DYRK1B: variants seen among roughly 807,000 people sequenced by gnomAD.
DYRK1B encodes dual specificity tyrosine-phosphorylation-regulated kinase 1B.
Under a neutral mutation model 57.1 loss-of-function variants are expected in DYRK1B, and 20 were observed. That is an observed-to-expected ratio of 0.35 (90% CI 0.25 to 0.51). The LOEUF (loss-of-function observed/expected upper bound fraction) is 0.51. DYRK1B is among the 20% of genes least tolerant of loss of function. DYRK1B has a pLI of 0.96. For synonymous variants in DYRK1B, 409 were observed against 384.7 expected, an observed-to-expected ratio of 1.06 and a Z score of -0.74; for missense variants, 732 against 886.3, an observed-to-expected ratio of 0.83 and a Z score of 2.21.
chr19:39,827,699 G>T, intron 6 of DYRK1B, 43 bp from the exon 7 acceptor site: 1 of 1,594,798 alleles, frequency 6.3e-7, no homozygotes, highest in East Asian at 2.3e-5. Flanking sequence ...CTCCCCTACT[G>T]GTCCCACTGA....
chr19:39,826,630 GC>G lies in DYRK1B; in HGVS notation c.1411+41del, dbSNP rs1555782987. The G allele has an allele frequency of 6.5e-7, 1 of 1,529,318 alleles. No homozygotes were observed. Among genetic ancestry groups the G allele is most frequent in the Non-Finnish European group, 8.8e-7 (1 of 1,139,432 alleles). The allele number at this position is 1,529,318 out of a possible 1,614,324, so 94.7% of individuals were successfully genotyped here. ...CCCCAGGACAGGCCAAACCTGAGCAGCCCCCACCCGTTGTACCCCATTTGGG... is the reference window on the plus strand; with the variant it reads ...CCCCAGGACAGGCCAAACCTGAGCAGCCCCACCCGTTGTACCCCATTTGGG... On this transcript the variant is annotated intron_variant, in intron 9 of 10. Coordinates refer to ENST00000323039, the MANE Select transcript of DYRK1B (RefSeq NM_004714.3). The surrounding 1 kb of genome is among the most constrained non-coding windows in gnomAD (Gnocchi z 6.3).
Position 39,828,522 on chromosome 19 carries a change from G to A in DYRK1B, c.582C>T (p.Ser194=). The A allele has an allele frequency of 6.2e-7, 1 of 1,613,466 alleles. No homozygotes were observed. The highest frequency in any genetic ancestry group is 8.5e-7 in the Non-Finnish European group (1 of 1,179,666). The change falls in exon 6 of 11, where the codon TCC becomes TCT. Residue 194 remains serine (S), a synonymous_variant. Transcript: ENST00000323039. This position sits in a 1 kb window ranked among gnomAD's most constrained non-coding sequence, Gnocchi z 4.3. ...NHLCLVFELL[S]YNLYDLLRNT... ...TGCGCAGGAGGTCGTACAGGTTGTAGGACAGCAGCTCAAATACCAGGCACA... is the reference window on the plus strand; with the variant it reads ...TGCGCAGGAGGTCGTACAGGTTGTAAGACAGCAGCTCAAATACCAGGCACA...
chr19:39,828,334 A>G lies in DYRK1B; in HGVS notation c.770T>C (p.Ile257Thr), dbSNP rs778713560. Residue 257 changes from isoleucine to threonine, a missense_variant, in exon 6 of 11, where the codon ATT becomes ACT. Transcript: ENST00000323039. The surrounding 1 kb of genome is among the most constrained non-coding windows in gnomAD (Gnocchi z 4.3). Reference sequence around the variant, plus strand: ...CTGGCAGGAGCTGCCGAAGTCCACAATCTTGATGGCGCTGCGCTTGGGGTT... The same window carrying G: ...CTGGCAGGAGCTGCCGAAGTCCACAGTCTTGATGGCGCTGCGCTTGGGGTT... ...LCNPKRSAIK[I>T]VDFGSSCQLG... The G allele has an allele frequency of 6.2e-7, 1 of 1,614,126 alleles. No homozygotes were observed. Among genetic ancestry groups the G allele is most frequent in the Non-Finnish European group, 8.5e-7 (1 of 1,180,020 alleles).
chr19:39,831,440 T>C (rs1431179324), intron 2 of DYRK1B, among the ~76,000 whole-genome samples: 1 of 152,124 alleles, frequency 6.6e-6, no homozygotes, highest in Non-Finnish European at 1.5e-5. Flanking sequence ...GTAGCATTTA[T>C]TGGGTATTTA....
chr19:39,829,782 GCCT>G, intron 5 of DYRK1B, 95 bp downstream of exon 5: 1 of 1,385,432 alleles, frequency 7.2e-7, no homozygotes, highest in East Asian at 2.4e-5. Context: ...GAAGACATCA[GCCT>G]CCTCCTGAGA....
rs1361610934 is a variant in DYRK1B, at chr19:39,830,765, G to C, written c.82C>G (p.Leu28Val). The C allele has an allele frequency of 1.9e-6, 3 of 1,613,674 alleles. No individual in the cohort carries two copies. In the East Asian group the frequency reaches 6.7e-5, roughly 36 times the overall value. ...EHTQVLPDVRLLPRRLPLAFR... is the reference protein window; with the variant it reads ...EHTQVLPDVRVLPRRLPLAFR... ...GCCAGGGGCAGCCTCCGAGGCAGTA[G>C]CCGCACATCAGGCAATACCTGCAGG... Residue 28 changes from leucine to valine, a missense_variant, in exon 3 of 11, where the codon CTA becomes GTA. By Grantham distance (32) the Leu-to-Val change is conservative (BLOSUM62 1). Transcript: ENST00000323039.
chr19:39,828,268 C>A lies in DYRK1B; in HGVS notation c.807+29G>T. The A allele has an allele frequency of 1.9e-6, 3 of 1,608,768 alleles. No individual in the cohort carries two copies. Among genetic ancestry groups the A allele is most frequent in the East Asian group, 2.2e-5 (1 of 44,844 alleles). On this transcript the variant is annotated intron_variant, in intron 6 of 10. Transcript: ENST00000323039. The surrounding 1 kb of genome is among the most constrained non-coding windows in gnomAD (Gnocchi z 4.3). ...GCTCTGCCCCACCCAAACTACTAGC[C>A]GTGCTCCCAGGACCGGGCCGCCCCC...
intron 2 of DYRK1B, among the ~76,000 whole-genome samples, chr19:39,831,190 CA>C (rs1968792693): frequency 1.3e-5 from 2 of 152,168 alleles, no homozygotes; most frequent in Admixed American, 6.5e-5. Context: ...CCTTGGGCCT[CA>C]ACCCATACTC....
At position 39,833,253 on chromosome 19, in the gene DYRK1B, C is replaced by T. The variant is rs540086850; in HGVS notation, c.-102+770G>A. ...CCCACACCAGGATCATCTCTCCCAG[C>T]CCCCACCCCCTACCCGGGTCAGGGC... On this transcript the variant is annotated intron_variant, in intron 1 of 10. Transcript: ENST00000323039. 5.4e-5 allele frequency: 53 copies of T among 985,560 alleles called. 1 individual carries two copies. The highest frequency in any genetic ancestry group is 5.2e-4 in the Middle Eastern group (1 of 1,912). 61.1% of individuals were successfully genotyped at this position (985,560 alleles called of 1,614,324 possible). A position where few individuals can be genotyped will look rare whatever the true frequency, so the allele number is the denominator to read the frequency against.
rs763155290 is a variant in DYRK1B at position 39,828,399 on chromosome 19, G to A, written c.705C>T (p.Ile235=). 1.2e-6 allele frequency: 2 copies of A among 1,614,106 alleles called. No individual in the cohort carries two copies. Among genetic ancestry groups the A allele is most frequent in the African/African-American group, 2.7e-5 (2 of 75,062 alleles). ...LLFLATPELS[I]IHCDLKPENI... ...TTTCGGGCTTGAGGTCGCAGTGAAT[G>A]ATGCTGAGCTCAGGCGTGGCCAGAA... The change falls in exon 6 of 11, where the codon ATC becomes ATT. Residue 235 remains isoleucine, a synonymous_variant. Coordinates refer to ENST00000323039, the MANE Select transcript of DYRK1B (RefSeq NM_004714.3). This position sits in a 1 kb window ranked among gnomAD's most constrained non-coding sequence, Gnocchi z 4.3.
chr19:39,830,899 CCA>C, intron 2 of DYRK1B, 116 bp from the exon 3 acceptor site: 3 of 1,279,714 alleles, frequency 2.3e-6, no homozygotes, highest in Non-Finnish European at 2.1e-6. Flanking sequence ...TGTATTTGTT[CCA>C]CCTGTCTAGG....
In DYRK1B at chr19:39,827,002, GTGGGA is replaced by G; in HGVS notation, c.1096-20_1096-16del. 1 of 1,411,964 alleles carries G rather than the reference GTGGGA, an allele frequency of 7.1e-7. No individual in the cohort carries two copies. The allele number at this position is 1,411,964 out of a possible 1,614,324, so 87.5% of individuals were successfully genotyped here. ...CCCTGGTAATCCTGGCAGGGAGGGG[GTGGGA>G]GGGGGGGCAAGAGAGTGGCCGTCAG... On this transcript the variant is annotated splice_polypyrimidine_tract_variant and intron_variant, in intron 8 of 10. Coordinates refer to ENST00000323039, the MANE Select transcript of DYRK1B (RefSeq NM_004714.3).
In DYRK1B at chr19:39,828,290, C is replaced by T; in HGVS notation, c.807+7G>A. 6.2e-7 allele frequency: 1 copy of T among 1,613,754 alleles called. No homozygotes were observed. ...AGCCGTGCTCCCAGGACCGGGCCGCCCCCTACCCTCTGGCCAAGCTGGCAG... is the reference window on the plus strand; with the variant it reads ...AGCCGTGCTCCCAGGACCGGGCCGCTCCCTACCCTCTGGCCAAGCTGGCAG... On this transcript the variant is annotated splice_region_variant and intron_variant, in intron 6 of 10. Coordinates refer to ENST00000323039, the MANE Select transcript of DYRK1B (RefSeq NM_004714.3). The surrounding 1 kb of genome is among the most constrained non-coding windows in gnomAD (Gnocchi z 4.3).
Position 39,825,461 on chromosome 19 carries a change from G to C in DYRK1B, c.*254C>G. 1.2e-5 allele frequency: 6 copies of C among 505,092 alleles called. No individual in the cohort carries two copies. The highest frequency in any genetic ancestry group is 2.1e-5 in the Non-Finnish European group (6 of 284,318). 31.3% of individuals were successfully genotyped at this position (505,092 alleles called of 1,614,324 possible). On this transcript the variant is annotated 3_prime_UTR_variant, in exon 11 of 11. Transcript: ENST00000323039. ...GGTGAGGGGGGGTCTTCCCTCCACCGGACCACCACTGTCTTTGGTACAATA... is the reference window on the plus strand; with the variant it reads ...GGTGAGGGGGGGTCTTCCCTCCACCCGACCACCACTGTCTTTGGTACAATA...
Position 39,826,339 on chromosome 19 carries a change from G to A in DYRK1B, c.1412-53C>T, listed in dbSNP as rs528124833. On this transcript the variant is annotated intron_variant, in intron 9 of 10. Transcript: ENST00000323039. This position sits in a 1 kb window ranked among gnomAD's most constrained non-coding sequence, Gnocchi z 6.3. ...GGGGCATAAGGTGAGAGAAGGTGGC[G>A]AGTGGGTTTTGGGATGGCTGAGGGA... The A allele has an allele frequency of 1.1e-4, 163 of 1,444,866 alleles. No homozygotes were observed. The East Asian group carries it at 3.6e-3, about 32-fold the overall frequency. The allele number at this position is 1,444,866 out of a possible 1,614,324, so 89.5% of individuals were successfully genotyped here.
rs1968543241 is a variant in DYRK1B at position 39,826,423 on chromosome 19, G to A, written c.1412-137C>T. 2.8e-5 allele frequency: 24 copies of A among 852,858 alleles called. No homozygotes were observed. The South Asian group carries it at 4.1e-4, about 14-fold the overall frequency. The allele number at this position is 852,858 out of a possible 1,614,324, so 52.8% of individuals were successfully genotyped here. On this transcript the variant is annotated intron_variant, in intron 9 of 10. Transcript: ENST00000323039. This position sits in a 1 kb window ranked among gnomAD's most constrained non-coding sequence, Gnocchi z 6.3. The stretch of plus-strand genomic sequence containing the variant: ...GAGCAGAGCCCATCTGAAGCACCGG[G>A]CCCAATTCTGAGATTCTGGGTTGGA...
Position 39,828,822 on chromosome 19 carries a change from A to G in DYRK1B, c.521-239T>C, listed in dbSNP as rs984382933. 6.6e-6 allele frequency among the ~76,000 whole-genome samples: 1 copy of G among 152,234 alleles called. No homozygotes were observed. The highest frequency in any genetic ancestry group is 1.5e-5 in the Non-Finnish European group (1 of 68,030). ...AGAGAAAGTTTCATTAGTTACTACT[A>G]GCTCTAACACATTCTACACTTCCTC... is the stretch of plus-strand genomic sequence containing the variant. On this transcript the variant is annotated intron_variant, in intron 5 of 10. Transcript: ENST00000323039. This position sits in a 1 kb window ranked among gnomAD's most constrained non-coding sequence, Gnocchi z 4.3.
Position 39,826,343 on chromosome 19 carries a change from G to C in DYRK1B, c.1412-57C>G. The C allele has an allele frequency of 7.1e-7, 1 of 1,418,356 alleles. No individual in the cohort carries two copies. Among genetic ancestry groups the C allele is most frequent in the Non-Finnish European group, 9.5e-7 (1 of 1,051,804 alleles). The allele number at this position is 1,418,356 out of a possible 1,614,324, so 87.9% of individuals were successfully genotyped here. A position where few individuals can be genotyped will look rare whatever the true frequency, so the allele number is the denominator to read the frequency against. On this transcript the variant is annotated intron_variant, in intron 9 of 10. Coordinates refer to ENST00000323039, the MANE Select transcript of DYRK1B (RefSeq NM_004714.3). The surrounding 1 kb of genome is among the most constrained non-coding windows in gnomAD (Gnocchi z 6.3). Reference sequence around the variant, plus strand: ...CATAAGGTGAGAGAAGGTGGCGAGTGGGTTTTGGGATGGCTGAGGGAAGGT... The same window carrying C: ...CATAAGGTGAGAGAAGGTGGCGAGTCGGTTTTGGGATGGCTGAGGGAAGGT...
At chr19:39,829,492 G>A (rs998125558) in intron 5 of DYRK1B, among the ~76,000 whole-genome samples, 5 of 152,198 alleles carry the variant, frequency 3.3e-5, no homozygotes, top group African/African-American at 1.2e-4. Flanking sequence ...CTCCAAAAGT[G>A]CTGGGATTAC....
Sources: gnomAD v4.1 joint callset for allele counts (sites outside exome capture counted in the v4.1 genomes callset) on GRCh38, gnomAD v4.1.1 for gene constraint, Gnocchi (gnomAD v3.1) non-coding constraint, MANE v1.5 for transcripts, NCBI Gene and HGNC (gene_info 2026-07-23, HGNC 2026-07-21) for gene names.